PEX11B: variants seen among roughly 807,000 people sequenced by gnomAD.
PEX11B encodes peroxisomal biogenesis factor 11 beta, also known as peroxisomal membrane protein 11B.
Under a neutral mutation model 28.2 loss-of-function variants are expected in PEX11B, and 18 were observed. That is an observed-to-expected ratio of 0.64 (90% CI 0.44 to 0.95). The LOEUF (loss-of-function observed/expected upper bound fraction) is 0.95. Ranked by LOEUF, PEX11B falls within the 40% of genes least tolerant of loss-of-function variation. The pLI, the probability that PEX11B is intolerant of heterozygous loss-of-function variation, is 0.00. For synonymous variants in PEX11B, 128 were observed against 128.7 expected (o/e 0.99, Z 0.04); for missense variants, 305 against 319.8 (o/e 0.95, Z 0.35).
Position 145,912,139 on chromosome 1 carries a change from C to A in PEX11B, c.*22G>T. Reference sequence around the variant, plus strand: ...ATTCCATCTCACCAATTCAGGTCCCCTCCTTATCCTGTACCGGAAGGTCAG... The same window carrying A: ...ATTCCATCTCACCAATTCAGGTCCCATCCTTATCCTGTACCGGAAGGTCAG... On this transcript the variant is annotated 3_prime_UTR_variant, in exon 4 of 4. Coordinates refer to ENST00000369306, the MANE Select transcript of PEX11B (RefSeq NM_003846.3). 1 of 1,527,930 alleles carries A rather than the reference C, an allele frequency of 6.5e-7. No individual in the cohort carries two copies. Among genetic ancestry groups the A allele is most frequent in the South Asian group, 1.3e-5 (1 of 77,038 alleles). The allele number at this position is 1,527,930 out of a possible 1,614,324, so 94.6% of individuals were successfully genotyped here.
chr1:145,915,634 C>CTTTTTTTTTTT (rs587607174), intron 3 of PEX11B, among the ~76,000 whole-genome samples: 2 of 137,368 alleles, frequency 1.5e-5, no homozygotes, highest in Admixed American at 1.5e-4. Flanking sequence ...CTTTTCTTTT[C>CTTTTTTTTTTT]TTTTTTTTTT....
intron 2 of PEX11B, 34 bp from the exon 3 acceptor site, chr1:145,917,052 G>C (rs782669419): frequency 7.3e-7 from 1 of 1,365,822 alleles, no homozygotes. Context: ...GCAAGGATTT[G>C]TAAGTGGAGA....
intron 3 of PEX11B, among the ~76,000 whole-genome samples, chr1:145,913,371 GT>G (rs1373087251): frequency 6.6e-6 from 1 of 152,062 alleles, no homozygotes; most frequent in African/African-American, 2.4e-5. Flanking sequence ...CTTGACTGTG[GT>G]GATCATGTCA....
In PEX11B at chr1:145,917,690, G is replaced by A. The variant is rs782099006; in HGVS notation, c.172+11C>T. ...AGGTTGGGGGATAAAAGGAAAGACA[G>A]AGTTACTTACGCTTTCTTCCAAGGC... is the stretch of plus-strand genomic sequence containing the variant. On this transcript the variant is annotated intron_variant, in intron 2 of 3. Coordinates refer to ENST00000369306, the MANE Select transcript of PEX11B (RefSeq NM_003846.3). The A allele has an allele frequency of 6.2e-6, 9 of 1,448,776 alleles. No homozygotes were observed. The highest frequency in any genetic ancestry group is 7.8e-6 in the Non-Finnish European group (8 of 1,029,164). The allele number at this position is 1,448,776 out of a possible 1,614,324, so 89.7% of individuals were successfully genotyped here.
rs1647403069 is a variant in PEX11B at position 145,916,890 on chromosome 1, T to C, written c.301A>G (p.Asn101Asp). 2 of 1,614,070 alleles carry C rather than the reference T, an allele frequency of 1.2e-6. No individual in the cohort carries two copies. Among genetic ancestry groups the C allele is most frequent in the Non-Finnish European group, 1.7e-6 (2 of 1,179,984 alleles). Reference sequence around the variant, plus strand: ...CCAGACTTTCCAGCCCACAGGACATTGTCACAGGCGAAGTACAAGGCTCGA... The same window carrying C: ...CCAGACTTTCCAGCCCACAGGACATCGTCACAGGCGAAGTACAAGGCTCGA... ...LNRALYFACD[N>D]VLWAGKSGLA... The change falls in exon 3 of 4, where the codon AAT becomes GAT. Residue 101 changes from asparagine (N) to aspartate (D), a missense_variant. Asn to Asp is a conservative substitution (Grantham distance 23). Transcript: ENST00000369306.
At chr1:145,918,189 G>A (rs1553754250) in intron 1 of PEX11B, 11 of 985,340 alleles carry the variant, frequency 1.1e-5, no homozygotes, top group Non-Finnish European at 1.3e-5. Context: ...GGTGAACTGA[G>A]AGATTTCAAG....
rs1211400228 is a variant in PEX11B at position 145,918,611 on chromosome 1, C to T, written c.56+22G>A. 4 of 1,590,274 alleles carry T rather than the reference C, an allele frequency of 2.5e-6. No homozygotes were observed. The African/African-American group carries it at 4.0e-5, about 16-fold the overall frequency. ...CTGTCCATCCCTCCCCCGCCCCACC[C>T]CCATTCCTATTCGGGCCGCACCTAC... On this transcript the variant is annotated intron_variant, in intron 1 of 3. Transcript: ENST00000369306.
chr1:145,916,745 C>T, intron 3 of PEX11B, 72 bp downstream of exon 3: 1 of 1,040,362 alleles, frequency 9.6e-7, no homozygotes, highest in South Asian at 1.3e-5. Context: ...AGATATCTTT[C>T]CCTCATATAA....
rs1657816000 is a variant in PEX11B at position 145,912,040 on chromosome 1, C to G, written c.*121G>C. 3.9e-6 allele frequency: 3 copies of G among 772,334 alleles called. No individual in the cohort carries two copies. The highest frequency in any genetic ancestry group is 5.8e-6 in the Non-Finnish European group (3 of 519,248). 47.8% of individuals were successfully genotyped at this position (772,334 alleles called of 1,614,324 possible). ...CTTCCCCAAAGCTCTTCCTCCACCC[C>G]TAAATCTCTGAATTTCTAACTTTAA... On this transcript the variant is annotated 3_prime_UTR_variant, in exon 4 of 4. Coordinates refer to ENST00000369306, the MANE Select transcript of PEX11B (RefSeq NM_003846.3).
At chr1:145,917,490 G>GTT (rs1321782670) in intron 2 of PEX11B, among the ~76,000 whole-genome samples, 2 of 152,154 alleles carry the variant, frequency 1.3e-5, no homozygotes, top group African/African-American at 4.8e-5. Flanking sequence ...TTTTGTGCCA[G>GTT]TTTAGTTTTC....
At position 145,912,074 on chromosome 1, in the gene PEX11B, T is replaced by C; in HGVS notation, c.*87A>G. ...TGAATTTCTAACTTTAACCAAAGAG[T>C]AGAATTCGAATGAGGCTGGCACATG... On this transcript the variant is annotated 3_prime_UTR_variant, in exon 4 of 4. Transcript: ENST00000369306. 1 of 1,054,954 alleles carries C rather than the reference T, an allele frequency of 9.5e-7. No homozygotes were observed. The highest frequency in any genetic ancestry group is 2.3e-5 in the South Asian group (1 of 43,840). The allele number at this position is 1,054,954 out of a possible 1,614,324, so 65.3% of individuals were successfully genotyped here. A position where few individuals can be genotyped will look rare whatever the true frequency, so the allele number is the denominator to read the frequency against.
chr1:145,918,474 C>T (rs587596599), intron 1 of PEX11B, 159 bp downstream of exon 1: 2 of 1,536,630 alleles, frequency 1.3e-6, no homozygotes, highest in Non-Finnish European at 1.7e-6. Context: ...GGAATCATCT[C>T]AACAGCGGCT....
intron 1 of PEX11B, 56 bp downstream of exon 1, chr1:145,918,577 A>C (rs2101866061): frequency 6.4e-7 from 1 of 1,564,708 alleles, no homozygotes; most frequent in Non-Finnish European, 8.7e-7. Context: ...GCCTCACTAG[A>C]GTCTTCCTCT....
Position 145,911,853 on chromosome 1 carries a change from A to G in PEX11B, c.*308T>C, listed in dbSNP as rs1435505344. 2.9e-5 allele frequency: 6 copies of G among 209,896 alleles called. No homozygotes were observed. The highest frequency in any genetic ancestry group is 4.7e-5 in the Non-Finnish European group (5 of 106,558). 13.0% of individuals were successfully genotyped at this position (209,896 alleles called of 1,614,324 possible). ...GGAGAATGAGAAGGTTGAAAAAAGAAAGAGAGAGATGCATAGACACAGAAC... is the reference window on the plus strand; with the variant it reads ...GGAGAATGAGAAGGTTGAAAAAAGAGAGAGAGAGATGCATAGACACAGAAC... On this transcript the variant is annotated 3_prime_UTR_variant, in exon 4 of 4. Coordinates refer to ENST00000369306, the MANE Select transcript of PEX11B (RefSeq NM_003846.3).
At chr1:145,912,673 G>C (rs1657862246) in intron 3 of PEX11B, 107 bp from the exon 4 acceptor site, 2 of 749,040 alleles carry the variant, frequency 2.7e-6, no homozygotes, top group East Asian at 5.7e-5. Context: ...TTACACATTA[G>C]ATCAGAAGTA....
Position 145,912,155 on chromosome 1 carries a change from G to A in PEX11B, c.*6C>T, listed in dbSNP as rs587636847. 9.6e-5 allele frequency: 152 copies of A among 1,582,166 alleles called. 1 individual carries two copies. In the South Asian group the frequency reaches 1.6e-3, roughly 16 times the overall value. On this transcript the variant is annotated 3_prime_UTR_variant, in exon 4 of 4. Transcript: ENST00000369306. ...TCAGGTCCCCTCCTTATCCTGTACCGGAAGGTCAGGGCTTGAGTCGTAGCC... is the reference window on the plus strand; with the variant it reads ...TCAGGTCCCCTCCTTATCCTGTACCAGAAGGTCAGGGCTTGAGTCGTAGCC...
At chr1:145,918,427 C>T (rs1318722513) in intron 1 of PEX11B, 12 of 1,536,074 alleles carry the variant, frequency 7.8e-6, no homozygotes, top group African/African-American at 1.4e-5. Flanking sequence ...CTGGCCCACT[C>T]ATGCCTCAGT....
At chr1:145,916,480 AT>A (rs1647384027) in intron 3 of PEX11B, among the ~76,000 whole-genome samples, 1 of 152,216 alleles carries the variant, frequency 6.6e-6, no homozygotes, top group South Asian at 2.1e-4. Flanking sequence ...TCTTTGCTTT[AT>A]CCCCTGCGCC....
chr1:145,914,967 G>A (rs1190137232), intron 3 of PEX11B, among the ~76,000 whole-genome samples: 2 of 152,082 alleles, frequency 1.3e-5, no homozygotes, highest in Admixed American at 6.6e-5. Context: ...ACAATGGCAC[G>A]ATCTCGGCTC....
Sources: gnomAD v4.1 joint callset for allele counts (sites outside exome capture counted in the v4.1 genomes callset) on GRCh38, gnomAD v4.1.1 for gene constraint, MANE v1.5 for transcripts, NCBI Gene and HGNC (gene_info 2026-07-23, HGNC 2026-07-21) for gene names.